Variants in ERO1A observed in about 807,000 individuals in gnomAD.
ERO1A encodes the protein ERO1-like protein alpha.
In ERO1A, 49 loss-of-function variants were observed where a neutral mutation model predicts 76.9. That is an observed-to-expected ratio of 0.64 (90% CI 0.51 to 0.81). ERO1A has a LOEUF of 0.81. Among genes scored for constraint, ERO1A ranks in the 30% least tolerant of loss-of-function variants. The probability of loss-of-function intolerance (pLI) is 0.00; values close to 1 mark genes in which losing one functional copy is unlikely to be tolerated. For missense variants in ERO1A, 448 were observed against 542.1 expected, an observed-to-expected ratio of 0.83 and a Z score of 1.72; for synonymous variants, 174 against 181.2, an observed-to-expected ratio of 0.96 and a Z score of 0.32.
chr14:52,647,564 G>A (rs373957385), intron 13 of ERO1A, among the ~76,000 whole-genome samples: 1 of 151,684 alleles, frequency 6.6e-6, no homozygotes, highest in Non-Finnish European at 1.5e-5. Context: ...TTGTTTTTAT[G>A]CTTTTAATAC....
At chr14:52,694,172 T>C (rs903805109) in intron 1 of ERO1A, among the ~76,000 whole-genome samples, 2 of 152,236 alleles carry the variant, frequency 1.3e-5, no homozygotes, top group African/African-American at 4.8e-5. Flanking sequence ...ATTTTTTAAA[T>C]GTTTAATCTC....
chr14:52,643,467 T>C lies in ERO1A; in HGVS notation c.*103A>G, dbSNP rs2039541282. The C allele has an allele frequency of 1.4e-6, 1 of 716,230 alleles. No homozygotes were observed. Among genetic ancestry groups the C allele is most frequent in the Non-Finnish European group, 2.2e-6 (1 of 460,678 alleles). 44.4% of individuals were successfully genotyped at this position (716,230 alleles called of 1,614,324 possible). ...TCTCCTTTACAAAAGCAACTTTATA[T>C]AAAATGTTTGGCTTAAGACTGTCAT... On this transcript the variant is annotated 3_prime_UTR_variant, in exon 16 of 16. Transcript: ENST00000395686.
chr14:52,660,408 G>A (rs763393180), intron 9 of ERO1A, among the ~76,000 whole-genome samples: 3 of 152,088 alleles, frequency 2.0e-5, no homozygotes, highest in Admixed American at 6.5e-5. Context: ...AATACTCAAG[G>A]TAAAATAAGG....
rs1434840467 is a variant in ERO1A at position 52,666,483 on chromosome 14, G to A, written c.521C>T (p.Pro174Leu). ...NFCEADDIQS[P>L]EAEYVDLLLN... The stretch of plus-strand genomic sequence containing the variant: ...AAGCAAATCTACATATTCAGCTTCA[G>A]GGGACTGAATGTCTGTAAAATAAAA... Residue 174 changes from proline (P) to leucine (L), a missense_variant, in exon 7 of 16, where the codon CCT (proline) becomes CTT (leucine). Around this residue, in one of 2 missense-constraint regions of ERO1A, gnomAD observed 302 missense variants for 411.9 expected, o/e 0.73. Coordinates refer to ENST00000395686, the MANE Select transcript of ERO1A (RefSeq NM_014584.3). 3 of 1,607,878 alleles carry A rather than the reference G, an allele frequency of 1.9e-6. No individual in the cohort carries two copies. Among genetic ancestry groups the A allele is most frequent in the South Asian group, 1.1e-5 (1 of 89,322 alleles).
chr14:52,662,598 A>G (rs554564789), intron 8 of ERO1A, among the ~76,000 whole-genome samples: 6 of 152,352 alleles, frequency 3.9e-5, no homozygotes, highest in South Asian at 2.1e-4. Flanking sequence ...GAACTCATAC[A>G]CTGAAATGGC....
At chr14:52,691,137 T>C (rs1422461903) in intron 1 of ERO1A, among the ~76,000 whole-genome samples, 2 of 152,192 alleles carry the variant, frequency 1.3e-5, no homozygotes, top group African/African-American at 2.4e-5. Flanking sequence ...GCTCAAAGTG[T>C]GCTTTATTTG....
rs2041025046 is a variant in ERO1A, at chr14:52,682,329, T to G, written c.314A>C (p.Gln105Pro). 1 of 1,602,908 alleles carries G rather than the reference T, an allele frequency of 6.2e-7. No individual in the cohort carries two copies. The highest frequency in any genetic ancestry group is 8.5e-7 in the Non-Finnish European group (1 of 1,172,360). Residue 105 changes from glutamine to proline, a missense_variant, in exon 3 of 16, where the codon CAA (glutamine) becomes CCA (proline). By Grantham distance (76) the Gln-to-Pro change is moderately conservative (BLOSUM62 -1). Around this residue, in one of 2 missense-constraint regions of ERO1A, gnomAD observed 146 missense variants for 130.2 expected, o/e 1.12. Coordinates refer to ENST00000395686, the MANE Select transcript of ERO1A (RefSeq NM_014584.3). ...AAATGTATACATGGTTCTTACAGAT[T>G]GACATGGTTTGACAGCACAGTCCCT... is the stretch of plus-strand genomic sequence containing the variant. ...GRRDCAVKPC[Q>P]SDEVPDGIKS...
At chr14:52,659,246 A>G (rs1175854468) in intron 9 of ERO1A, among the ~76,000 whole-genome samples, 1 of 152,210 alleles carries the variant, frequency 6.6e-6, no homozygotes, top group East Asian at 1.9e-4. Flanking sequence ...AAAAATACAT[A>G]TGGTAATAAC....
In ERO1A at chr14:52,678,454, T is replaced by C; in HGVS notation, c.337A>G (p.Ile113Val). Residue 113 changes from isoleucine to valine, a missense_variant, in exon 4 of 16, where the codon ATT becomes GTT. This residue lies in a region of ERO1A where 302 missense variants were observed against 411.9 expected (regional missense o/e 0.73). Transcript: ENST00000395686. ...CACACCTTGTAGCTCGCAGATTTAA[T>C]TCCATCAGGAACTTCATCCTGAAAA... ...PCQSDEVPDGIKSASYKYSEE... is the reference protein window; with the variant it reads ...PCQSDEVPDGVKSASYKYSEE... The C allele has an allele frequency of 1.2e-6, 2 of 1,613,232 alleles. No homozygotes were observed. Among genetic ancestry groups the C allele is most frequent in the Non-Finnish European group, 1.7e-6 (2 of 1,179,564 alleles).
In ERO1A at chr14:52,640,240, T is replaced by C. The variant is rs1352483505; in HGVS notation, c.*3330A>G. The C allele has an allele frequency of 2.0e-5, 3 of 150,654 alleles. No individual in the cohort carries two copies. Among genetic ancestry groups the C allele is most frequent in the Admixed American group, 1.3e-4 (2 of 15,152 alleles). 9.3% of individuals were successfully genotyped at this position (150,654 alleles called of 1,614,324 possible). A position where few individuals can be genotyped will look rare whatever the true frequency, so the allele number is the denominator to read the frequency against. On this transcript the variant is annotated 3_prime_UTR_variant, in exon 16 of 16. Transcript: ENST00000395686. ...CAATAGAGGTAGGTTGTAATTACAG[T>C]GGTGACACGAAAGTGGAAGTTAGAT...
At chr14:52,683,952 C>G (rs1410681497) in intron 1 of ERO1A, 45 bp from the exon 2 acceptor site, 1 of 1,480,834 alleles carries the variant, frequency 6.8e-7, no homozygotes, top group Admixed American at 2.1e-5. Context: ...GTCCTAAATG[C>G]AACAGGGTTC....
intron 13 of ERO1A, 58 bp from the exon 14 acceptor site, chr14:52,646,519 T>C: frequency 7.3e-7 from 1 of 1,376,528 alleles, no homozygotes; most frequent in Non-Finnish European, 1.0e-6. Flanking sequence ...TTAGTAAGTA[T>C]TTTCTGAGCA....
At chr14:52,656,758 G>A (rs762261644) in intron 11 of ERO1A, among the ~76,000 whole-genome samples, 5 of 148,810 alleles carry the variant, frequency 3.4e-5, no homozygotes, top group Non-Finnish European at 4.5e-5. Context: ...AGTTTAAACC[G>A]CCATTTAAAA....
chr14:52,680,171 T>A (rs1287188644), intron 3 of ERO1A, among the ~76,000 whole-genome samples: 5 of 151,748 alleles, frequency 3.3e-5, no homozygotes, highest in Admixed American at 3.3e-4. Flanking sequence ...TTAAAATTAC[T>A]GGATCCTGAC....
At position 52,695,320 on chromosome 14, in the gene ERO1A, G is replaced by A. The variant is rs377735238; in HGVS notation, c.114+48C>T. 92 of 1,288,542 alleles carry A rather than the reference G, an allele frequency of 7.1e-5. No homozygotes were observed. In the South Asian group the frequency reaches 9.3e-4, roughly 13 times the overall value. 79.8% of individuals were successfully genotyped at this position (1,288,542 alleles called of 1,614,324 possible). On this transcript the variant is annotated intron_variant, in intron 1 of 15. Coordinates refer to ENST00000395686, the MANE Select transcript of ERO1A (RefSeq NM_014584.3). ...CGCCAGGGCGTGCGGGACAGTGCAC[G>A]CCGCGGAGGGCGCCGGGACCCTCAG...
chr14:52,647,945 A>G (rs1211674576), intron 13 of ERO1A, among the ~76,000 whole-genome samples: 4 of 152,214 alleles, frequency 2.6e-5, no homozygotes, highest in African/African-American at 4.8e-5. Flanking sequence ...TAAAATAGGA[A>G]TAAATCAATG....
intron 3 of ERO1A, among the ~76,000 whole-genome samples, chr14:52,681,977 T>C (rs2041010938): frequency 1.3e-5 from 2 of 152,268 alleles, no homozygotes; most frequent in Admixed American, 1.3e-4. Flanking sequence ...TTAATTCTAT[T>C]ATTATGAAGG....
chr14:52,651,861 C>T (rs2039879000), intron 13 of ERO1A, among the ~76,000 whole-genome samples: 1 of 152,040 alleles, frequency 6.6e-6, no homozygotes, highest in Non-Finnish European at 1.5e-5. Flanking sequence ...ACCATAGTTA[C>T]CATTCTGTGC....
Position 52,663,864 on chromosome 14 carries a change from T to C in ERO1A, c.630-17A>G, listed in dbSNP as rs1298133289. The C allele has an allele frequency of 6.8e-7, 1 of 1,467,454 alleles. No homozygotes were observed. Among genetic ancestry groups the C allele is most frequent in the Non-Finnish European group, 9.5e-7 (1 of 1,057,252 alleles). 90.9% of individuals were successfully genotyped at this position (1,467,454 alleles called of 1,614,324 possible). A position where few individuals can be genotyped will look rare whatever the true frequency, so the allele number is the denominator to read the frequency against. On this transcript the variant is annotated splice_polypyrimidine_tract_variant and intron_variant, in intron 7 of 15. Coordinates refer to ENST00000395686, the MANE Select transcript of ERO1A (RefSeq NM_014584.3). The stretch of plus-strand genomic sequence containing the variant: ...GTCTGTGGCCTAGAAGTAAAAAGAA[T>C]TAAAAATATCAACACAAATATGTTA...
Sources: gnomAD v4.1 joint callset for allele counts (sites outside exome capture counted in the v4.1 genomes callset) on GRCh38, gnomAD v4.1.1 for gene constraint, gnomAD v4.1.1 regional missense constraint, MANE v1.5 for transcripts, NCBI Gene and HGNC (gene_info 2026-07-23, HGNC 2026-07-21) for gene names.